MIA2: variants seen among roughly 807,000 people sequenced by gnomAD.
MIA2 encodes melanoma inhibitory activity protein 2.
In MIA2, 127 loss-of-function variants were observed where a neutral mutation model predicts 167.8. That is an observed-to-expected ratio of 0.76 (90% CI 0.66 to 0.88). The LOEUF (loss-of-function observed/expected upper bound fraction) is 0.88. MIA2 is among the 40% of genes least tolerant of loss of function. MIA2 has a pLI of 0.00. For missense variants in MIA2, 1,690 were observed against 1,624.7 expected (o/e 1.04, Z -0.69); for synonymous variants, 552 against 541.9 (o/e 1.02, Z -0.26).
At chr14:39,381,044 A>T (rs1391866945) in intron 23 of MIA2, among the ~76,000 whole-genome samples, 1 of 151,914 alleles carries the variant, frequency 6.6e-6, no homozygotes, top group Non-Finnish European at 1.5e-5. Flanking sequence ...AAACAAAGGT[A>T]ACAATACAAA....
intron 23 of MIA2, among the ~76,000 whole-genome samples, chr14:39,358,092 G>T (rs2074577552): frequency 6.6e-6 from 1 of 152,162 alleles, no homozygotes; most frequent in Non-Finnish European, 1.5e-5. Flanking sequence ...GAATTTGAAT[G>T]TTGGCTTGCC....
At chr14:39,294,202 T>TTTAACAA in intron 12 of MIA2, 131 bp downstream of exon 12, 3 of 605,078 alleles carry the variant, frequency 5.0e-6, no homozygotes, top group Non-Finnish European at 8.4e-6. Flanking sequence ...TTTTTTTTTT[T>TTTAACAA]TAACAATACC....
intron 23 of MIA2, among the ~76,000 whole-genome samples, chr14:39,358,960 C>G (rs1024787788): frequency 6.6e-6 from 1 of 152,204 alleles, no homozygotes; most frequent in Non-Finnish European, 1.5e-5. Context: ...CAGTCTGCCC[C>G]TACTGGGGGA....
At chr14:39,289,046 G>A (rs1188174894) in intron 9 of MIA2, among the ~76,000 whole-genome samples, 1 of 151,294 alleles carries the variant, frequency 6.6e-6, no homozygotes, top group Non-Finnish European at 1.5e-5. Context: ...AAGAAGTCTT[G>A]GTAATAATTC....
At chr14:39,335,193 CCTT>C (rs2070070826) in intron 25 of MIA2, among the ~76,000 whole-genome samples, 1 of 152,048 alleles carries the variant, frequency 6.6e-6, no homozygotes, top group Non-Finnish European at 1.5e-5. Flanking sequence ...CATGAAGAGT[CCTT>C]CTCACTAATA....
In MIA2 at chr14:39,252,779, A is replaced by T; in HGVS notation, c.1599A>T (p.Arg533Ser). ...DMVSNIELPT[R>S]IHEEVYFEPS... ...TCTCTAACATAGAGTTACCTACGAG[A>T]ATTCACGAAGAAGTATATTTTGAAC... Residue 533 changes from arginine to serine, a missense_variant, in exon 5 of 29, where the codon AGA becomes AGT. By Grantham distance (110) the Arg-to-Ser change is moderately radical (BLOSUM62 -1). Coordinates refer to ENST00000640607, the MANE Select transcript of MIA2 (RefSeq NM_001329214.4). The T allele has an allele frequency of 6.2e-7, 1 of 1,613,396 alleles. No homozygotes were observed. Among genetic ancestry groups the T allele is most frequent in the Middle Eastern group, 1.7e-4 (1 of 6,054 alleles).
intron 12 of MIA2, among the ~76,000 whole-genome samples, chr14:39,294,571 A>G (rs1232766679): frequency 6.6e-6 from 1 of 151,726 alleles, no homozygotes; most frequent in Non-Finnish European, 1.5e-5. Context: ...TTATTGAGCT[A>G]TTACTATATA....
At position 39,284,801 on chromosome 14, in the gene MIA2, G is replaced by A. The variant is rs1430218394; in HGVS notation, c.2130+5264G>A. Among the ~76,000 whole-genome samples the A allele has an allele frequency of 4.6e-5, 7 of 151,552 alleles. No individual in the cohort carries two copies. The East Asian group carries it at 1.4e-3, about 29-fold the overall frequency. ...CATTCTTGGGTGTTTCTCGCAGAGG[G>A]GGATTTGGCAGGGTCATAGGACAAT... On this transcript the variant is annotated intron_variant, in intron 9 of 28. Transcript: ENST00000640607.
intron 24 of MIA2, among the ~76,000 whole-genome samples, chr14:39,325,239 TG>T (rs67692582): frequency 0.38 from 56,730 of 151,106 alleles, 11,565 homozygotes; most frequent in Non-Finnish European, 0.46. Flanking sequence ...AAAAAAAAAA[TG>T]TTTTTAAAGC....
chr14:39,303,910 C>G (rs1329386920), intron 16 of MIA2, among the ~76,000 whole-genome samples: 1 of 151,706 alleles, frequency 6.6e-6, no homozygotes. Context: ...TTTATTCCTT[C>G]TCTTTTCCAC....
chr14:39,246,849 CAG>C (rs1301615530), intron 3 of MIA2, 60 bp from the exon 4 acceptor site: 3 of 932,458 alleles, frequency 3.2e-6, no homozygotes, highest in Admixed American at 3.1e-5. Context: ...TTAAATGACT[CAG>C]GGAGAAACAA....
rs989814228 is a variant in MIA2, at chr14:39,334,578, T to C, written c.3655+7556T>C. ...ATGAATGAGGGGACTTAGGCTTTTT[T>C]TTTTTGAAGTGGAGTTTCACCTTTG... On this transcript the variant is annotated intron_variant, in intron 25 of 28. Coordinates refer to ENST00000640607, the MANE Select transcript of MIA2 (RefSeq NM_001329214.4). Among the ~76,000 whole-genome samples the C allele has an allele frequency of 2.6e-5, 4 of 152,096 alleles. No individual in the cohort carries two copies. The East Asian group carries it at 5.8e-4, about 22-fold the overall frequency.
Position 39,234,175 on chromosome 14 carries a change from GAGAGTACAAAACTGCTGGC to G in MIA2, c.65_83del (p.Ser22ThrfsTer13), listed in dbSNP as rs773811016. 1.9e-6 allele frequency: 3 copies of G among 1,610,218 alleles called. No individual in the cohort carries two copies. Among genetic ancestry groups the G allele is most frequent in the Non-Finnish European group, 2.5e-6 (3 of 1,178,644 alleles). On this transcript the variant is annotated frameshift_variant, in exon 1 of 29. Transcript: ENST00000640607. LOFTEE classifies it high-confidence loss of function. Reference sequence around the variant, plus strand: ...GGCTATTTCTCTGACAAAGTGTCTGGAGAGTACAAAACTGCTGGCAGACCTTAAAAAATGTGGTGACTTG... The same window carrying G: ...GGCTATTTCTCTGACAAAGTGTCTGGAGACCTTAAAAAATGTGGTGACTTG...
chr14:39,285,346 C>A (rs963509204), intron 9 of MIA2, among the ~76,000 whole-genome samples: 2 of 151,598 alleles, frequency 1.3e-5, no homozygotes, highest in South Asian at 2.1e-4. Context: ...GGCGCCCCCC[C>A]ACCTCCCGGA....
At position 39,302,154 on chromosome 14, in the gene MIA2, T is replaced by A. The variant is rs771401338; in HGVS notation, c.2645T>A (p.Met882Lys). ...ACTCTGACTGAACGCTTGTTAAAGA[T>A]GAAAGATTGGGCTGCTATGCTTGGA... ...IKTLTERLLKMKDWAAMLGED... is the reference protein window; with the variant it reads ...IKTLTERLLKKKDWAAMLGED... Residue 882 changes from methionine to lysine, a missense_variant, in exon 15 of 29, where the codon ATG becomes AAG. Met to Lys is a moderately conservative substitution (Grantham distance 95). Transcript: ENST00000640607. The A allele has an allele frequency of 6.2e-7, 1 of 1,613,742 alleles. No homozygotes were observed. Among genetic ancestry groups the A allele is most frequent in the Non-Finnish European group, 8.5e-7 (1 of 1,179,742 alleles).
chr14:39,272,342 A>T (rs1311969778), intron 6 of MIA2, among the ~76,000 whole-genome samples: 6 of 151,474 alleles, frequency 4.0e-5, no homozygotes, highest in Non-Finnish European at 7.4e-5. Flanking sequence ...ACAGGGCGAG[A>T]CTCCATCCCA....
intron 6 of MIA2, among the ~76,000 whole-genome samples, chr14:39,274,720 G>A (rs1401771065): frequency 1.3e-5 from 2 of 151,368 alleles, no homozygotes; most frequent in African/African-American, 2.4e-5. Flanking sequence ...GCCACCGTGC[G>A]TGGCCAAGAC....
chr14:39,316,438 C>T (rs1346706740), intron 21 of MIA2, among the ~76,000 whole-genome samples: 1 of 152,070 alleles, frequency 6.6e-6, no homozygotes, highest in Non-Finnish European at 1.5e-5. Flanking sequence ...AGTTTTCTTA[C>T]GTGTAAGATA....
chr14:39,289,413 C>G (rs1028765001), intron 9 of MIA2, among the ~76,000 whole-genome samples: 2 of 152,044 alleles, frequency 1.3e-5, no homozygotes, highest in Admixed American at 1.3e-4. Context: ...CAGAGTTTCA[C>G]CATGTTGGCT....
Sources: gnomAD v4.1 joint callset for allele counts (sites outside exome capture counted in the v4.1 genomes callset) on GRCh38, gnomAD v4.1.1 for gene constraint, MANE v1.5 for transcripts, NCBI Gene and HGNC (gene_info 2026-07-23, HGNC 2026-07-21) for gene names.